C5orf63: variants seen among roughly 807,000 people sequenced by gnomAD.
The protein encoded by C5orf63 is glutaredoxin-like protein C5orf63.
In C5orf63, 18 loss-of-function variants were observed where a neutral mutation model predicts 13.3. The observed-to-expected ratio is 1.36, with a 90% CI of 0.94 to 2.01. The LOEUF (loss-of-function observed/expected upper bound fraction) is 2.01, where lower values mean the gene tolerates loss of function less well. Ranked by LOEUF, C5orf63 falls within the 30% of genes most tolerant of loss-of-function variation. The pLI is 0.00. For synonymous variants in C5orf63, 38 were observed against 44.7 expected (o/e 0.85, Z 0.60); for missense variants, 118 against 127.7 (o/e 0.92, Z 0.36).
chr5:127,043,037 A>G (rs1328279930), downstream of C5orf63: 1 of 152,224 alleles, frequency 6.6e-6, no homozygotes, highest in Non-Finnish European at 1.5e-5. Context: ...CAATTTAGTT[A>G]GAATGACAGC....
chr5:127,066,218 T>G (rs1369176544), intron 2 of C5orf63, among the ~76,000 whole-genome samples: 1 of 152,150 alleles, frequency 6.6e-6, no homozygotes, highest in Non-Finnish European at 1.5e-5. Flanking sequence ...TAAGCAGGCA[T>G]CAGATCACGT....
downstream of C5orf63, chr5:127,044,490 G>C (rs1005390333): frequency 2.0e-5 from 3 of 152,092 alleles, no homozygotes; most frequent in Non-Finnish European, 2.9e-5. Flanking sequence ...GATCGAATGA[G>C]GCCATTCTCT....
chr5:127,064,908 G>A lies in C5orf63; in HGVS notation c.-7-5906C>T, dbSNP rs886624010. 9.2e-5 allele frequency among the ~76,000 whole-genome samples: 14 copies of A among 152,256 alleles called. No homozygotes were observed. In the East Asian group the frequency reaches 2.7e-3, roughly 29 times the overall value. ...GCCTAAGATGACAATTTCACTGAAG[G>A]TATACAGCATTTACATATCCTTCAC... On this transcript the variant is annotated intron_variant, in intron 2 of 4. Coordinates refer to ENST00000296662, the MANE Select transcript of C5orf63 (RefSeq NM_001164478.2).
chr5:127,071,228 G>A (rs1220670126), intron 2 of C5orf63, among the ~76,000 whole-genome samples: 1 of 152,164 alleles, frequency 6.6e-6, no homozygotes, highest in African/African-American at 2.4e-5. Context: ...AGTGATGAAG[G>A]CTACAACAGT....
rs1018389039 is a variant in C5orf63, at chr5:127,051,666, A to G, written c.*105T>C. ...TATTTGGCACCACTGAATTCAGAAC[A>G]TCCTTAGGGCTCTGTACAAGTGACA... On this transcript the variant is annotated 3_prime_UTR_variant, in exon 5 of 5. Coordinates refer to ENST00000296662, the MANE Select transcript of C5orf63 (RefSeq NM_001164478.2). 1.0e-5 allele frequency: 13 copies of G among 1,296,038 alleles called. No individual in the cohort carries two copies. The highest frequency in any genetic ancestry group is 1.3e-5 in the Non-Finnish European group (13 of 1,023,576). 80.3% of individuals were successfully genotyped at this position (1,296,038 alleles called of 1,614,324 possible).
chr5:127,072,166 TTTTCACAACAGGGTC>T (rs1170500758), intron 1 of C5orf63: 1 of 152,212 alleles, frequency 6.6e-6, no homozygotes, highest in Non-Finnish European at 1.5e-5. Flanking sequence ...CCAATCTTAA[TTTTCACAACAGGGTC>T]TTTCTGGTTC....
intron 2 of C5orf63, among the ~76,000 whole-genome samples, chr5:127,065,003 C>T (rs1406298902): frequency 6.6e-6 from 1 of 151,736 alleles, no homozygotes; most frequent in Non-Finnish European, 1.5e-5. Flanking sequence ...TTTTTTGTAT[C>T]CTGCCTGCTG....
At chr5:127,048,692 T>C (rs1265929086), downstream of C5orf63, among the ~76,000 whole-genome samples, 6 of 152,332 alleles carry the variant, frequency 3.9e-5, no homozygotes, top group Admixed American at 6.5e-5. Context: ...TTTGAAATTC[T>C]AGTGTCAGAA....
At position 127,051,729 on chromosome 5, in the gene C5orf63, T is replaced by C; in HGVS notation, c.*42A>G. 2.1e-6 allele frequency: 3 copies of C among 1,454,588 alleles called. No individual in the cohort carries two copies. Among genetic ancestry groups the C allele is most frequent in the Non-Finnish European group, 2.7e-6 (3 of 1,107,684 alleles). 90.1% of individuals were successfully genotyped at this position (1,454,588 alleles called of 1,614,324 possible). A position where few individuals can be genotyped will look rare whatever the true frequency, so the allele number is the denominator to read the frequency against. ...GGCCATGGTCATTTCCTTAGGAAGA[T>C]GCTTTATGGGAAGAGAGGGTGGAAA... On this transcript the variant is annotated 3_prime_UTR_variant, in exon 5 of 5. Coordinates refer to ENST00000296662, the MANE Select transcript of C5orf63 (RefSeq NM_001164478.2).
Position 127,052,604 on chromosome 5 carries a change from T to C in C5orf63, c.171+9A>G, listed in dbSNP as rs1462563200. 6.1e-6 allele frequency: 9 copies of C among 1,483,066 alleles called. No individual in the cohort carries two copies. The highest frequency in any genetic ancestry group is 8.0e-6 in the Non-Finnish European group (9 of 1,124,800). The allele number at this position is 1,483,066 out of a possible 1,614,324, so 91.9% of individuals were successfully genotyped here. On this transcript the variant is annotated intron_variant, in intron 4 of 4. Coordinates refer to ENST00000296662, the MANE Select transcript of C5orf63 (RefSeq NM_001164478.2). ...CCATATACATAAAAGCCACACTGTA[T>C]TATATTACCCTGTTTTCATAAGGCT...
downstream of C5orf63, chr5:127,046,351 C>T (rs530439515): frequency 2.0e-5 from 3 of 152,344 alleles, no homozygotes; most frequent in South Asian, 2.1e-4. Context: ...ACATCACTAC[C>T]GACCCATCCA....
At chr5:127,055,548 T>C (rs1753849645) in intron 3 of C5orf63, among the ~76,000 whole-genome samples, 3 of 152,188 alleles carry the variant, frequency 2.0e-5, no homozygotes, top group Admixed American at 2.0e-4. Flanking sequence ...ACAGCTTGTT[T>C]TGAAATAAGA....
chr5:127,054,381 ATCCTC>A (rs998985236), intron 3 of C5orf63, among the ~76,000 whole-genome samples: 3 of 152,106 alleles, frequency 2.0e-5, no homozygotes, highest in African/African-American at 4.8e-5. Context: ...GTTTCTCCAC[ATCCTC>A]TCCAGCACCT....
At chr5:127,067,893 C>T (rs1370621571) in intron 2 of C5orf63, among the ~76,000 whole-genome samples, 3 of 152,024 alleles carry the variant, frequency 2.0e-5, no homozygotes, top group Non-Finnish European at 2.9e-5. Context: ...AAATTTAAAC[C>T]AACACAGCTC....
intron 2 of C5orf63, among the ~76,000 whole-genome samples, chr5:127,059,448 C>T (rs1442454009): frequency 6.6e-6 from 1 of 152,158 alleles, no homozygotes; most frequent in Non-Finnish European, 1.5e-5. Flanking sequence ...ACAATGAGGG[C>T]CAGATGCCAT....
At chr5:127,065,881 G>A (rs1007977321) in intron 2 of C5orf63, among the ~76,000 whole-genome samples, 5 of 152,114 alleles carry the variant, frequency 3.3e-5, no homozygotes, top group African/African-American at 1.2e-4. Context: ...ATAGGTGTTG[G>A]GGTATGGTGA....
At chr5:127,046,917 G>A (rs1753532728), downstream of C5orf63, 1 of 152,246 alleles carries the variant, frequency 6.6e-6, no homozygotes, top group African/African-American at 2.4e-5. Context: ...ATAAGCCAAG[G>A]CACTGTGAGA....
intron 2 of C5orf63, among the ~76,000 whole-genome samples, chr5:127,063,905 C>A (rs1754206268): frequency 6.6e-6 from 1 of 152,180 alleles, no homozygotes; most frequent in South Asian, 2.1e-4. Context: ...AACACACACA[C>A]ACACCTCTTC....
At chr5:127,048,544 A>T (rs898961336), downstream of C5orf63, among the ~76,000 whole-genome samples, 1 of 149,646 alleles carries the variant, frequency 6.7e-6, no homozygotes, top group Non-Finnish European at 1.5e-5. Context: ...TTTTTAAAAA[A>T]CTCCTCCAAA....
Sources: allele counts gnomAD v4.1 joint callset (sites outside exome capture counted in the v4.1 genomes callset), GRCh38; gene constraint gnomAD v4.1.1; transcripts MANE v1.5; gene names NCBI Gene and HGNC (gene_info 2026-07-23, HGNC 2026-07-21).